ADAM19: variants seen among roughly 807,000 people sequenced by gnomAD.
ADAM19 encodes the protein disintegrin and metalloproteinase domain-containing protein 19.
A neutral mutation model predicts 114.7 loss-of-function variants in ADAM19; 65 were observed. The observed-to-expected ratio is 0.57, with a 90% CI of 0.46 to 0.70. The LOEUF (loss-of-function observed/expected upper bound fraction) is 0.70, where lower values mean the gene tolerates loss of function less well. Among genes scored for constraint, ADAM19 ranks in the 30% least tolerant of loss-of-function variants. The pLI is 0.00. For synonymous variants in ADAM19, 466 were observed against 460.5 expected, an observed-to-expected ratio of 1.01 and a Z score of -0.15; for missense variants, 1,063 against 1,204.7, an observed-to-expected ratio of 0.88 and a Z score of 1.74.
chr5:157,518,425 C>A (rs1756158504), intron 7 of ADAM19, among the ~76,000 whole-genome samples: 2 of 152,170 alleles, frequency 1.3e-5, no homozygotes, highest in African/African-American at 2.4e-5. Context: ...GCTCTTGTTG[C>A]TCAGGCTGGA....
intron 1 of ADAM19, among the ~76,000 whole-genome samples, chr5:157,573,109 A>G (rs1310736299): frequency 6.6e-6 from 1 of 152,178 alleles, no homozygotes; most frequent in African/African-American, 2.4e-5. Context: ...ACAAAAAGGA[A>G]TTCTATAATA....
chr5:157,539,881 T>A (rs2036126389), intron 3 of ADAM19, among the ~76,000 whole-genome samples: 1 of 152,224 alleles, frequency 6.6e-6, no homozygotes, highest in Non-Finnish European at 1.5e-5. Context: ...AGAAAACCAC[T>A]TAACTAGTTA....
intron 2 of ADAM19, among the ~76,000 whole-genome samples, chr5:157,569,998 G>A (rs911774647): frequency 3.9e-5 from 6 of 152,146 alleles, no homozygotes; most frequent in African/African-American, 1.4e-4. Context: ...AGTGGCTGAC[G>A]CCTGTAATCC....
rs80273950 is a variant in ADAM19, at chr5:157,492,472, A to G, written c.1908+501T>C. ...GTTAAAGTATCATATTTAACAATAC[A>G]ATATTATTTATGTGTTATCACATTA... On this transcript the variant is annotated intron_variant, in intron 16 of 22. Transcript: ENST00000257527. Among the ~76,000 whole-genome samples the G allele has an allele frequency of 7.0e-3, 1,068 of 152,348 alleles. 9 individuals carry two copies. Among genetic ancestry groups the G allele is most frequent in the African/African-American group, 0.024 (1,013 of 41,568 alleles).
At chr5:157,498,413 C>T (rs1457884922) in intron 13 of ADAM19, among the ~76,000 whole-genome samples, 2 of 152,244 alleles carry the variant, frequency 1.3e-5, no homozygotes, top group East Asian at 1.9e-4. Context: ...GGGCCTTGGG[C>T]ACCTGCTGTG....
At chr5:157,558,206 A>G (rs949743042) in intron 3 of ADAM19, among the ~76,000 whole-genome samples, 3 of 152,198 alleles carry the variant, frequency 2.0e-5, no homozygotes, top group Non-Finnish European at 4.4e-5. Flanking sequence ...CCAGTTCTTC[A>G]TACTTCCAAA....
At chr5:157,537,762 T>A (rs557305271) in intron 4 of ADAM19, 151 bp downstream of exon 4, 1 of 610,944 alleles carries the variant, frequency 1.6e-6, no homozygotes, top group African/African-American at 1.9e-5. Context: ...ATCAAATACA[T>A]GTTTTGCTTC....
chr5:157,488,649 G>A lies in ADAM19; in HGVS notation c.2326-160C>T, dbSNP rs369280208. 1.4e-4 allele frequency among the ~76,000 whole-genome samples: 22 copies of A among 152,290 alleles called. No individual in the cohort carries two copies. In the South Asian group the frequency reaches 4.1e-3, roughly 29 times the overall value. On this transcript the variant is annotated intron_variant, in intron 20 of 22. Coordinates refer to ENST00000257527, the MANE Select transcript of ADAM19 (RefSeq NM_033274.5). ...TCAGATGCAACCTTTAAAGTCATTA[G>A]GGGATGTCAGAACCAAATAACATGT...
At chr5:157,492,838 G>A (rs1307867707) in intron 16 of ADAM19, 135 bp downstream of exon 16, 5 of 865,870 alleles carry the variant, frequency 5.8e-6, no homozygotes, top group East Asian at 2.5e-5. Flanking sequence ...CACTATACAC[G>A]CTTCATGAAG....
intron 3 of ADAM19, among the ~76,000 whole-genome samples, chr5:157,562,985 G>C (rs1297503113): frequency 6.6e-6 from 1 of 152,058 alleles, no homozygotes; most frequent in Non-Finnish European, 1.5e-5. Context: ...CAACAACAGG[G>C]AACACTTAGA....
intron 5 of ADAM19, among the ~76,000 whole-genome samples, chr5:157,526,623 C>CT (rs1756470013): frequency 7.7e-6 from 1 of 129,576 alleles, no homozygotes; most frequent in African/African-American, 3.0e-5. Context: ...TTATTGGTGT[C>CT]ATTTTTTTTT....
chr5:157,530,723 G>T, intron 5 of ADAM19, 84 bp downstream of exon 5: 1 of 1,212,060 alleles, frequency 8.3e-7, no homozygotes, highest in Non-Finnish European at 1.2e-6. Flanking sequence ...CCTTCCCAAG[G>T]TCCTTGCCTC....
intron 3 of ADAM19, among the ~76,000 whole-genome samples, chr5:157,556,887 T>C (rs1302251816): frequency 1.3e-5 from 2 of 152,196 alleles, no homozygotes; most frequent in Non-Finnish European, 2.9e-5. Flanking sequence ...GTGAGTATTA[T>C]TACTATTATT....
intron 22 of ADAM19, chr5:157,481,457 C>T: frequency 1.3e-6 from 1 of 790,604 alleles, no homozygotes; most frequent in Non-Finnish European, 2.0e-6. Context: ...TCACAACAAC[C>T]TGATGGGGCT....
intron 7 of ADAM19, among the ~76,000 whole-genome samples, chr5:157,518,543 C>A (rs1280076925): frequency 6.6e-6 from 1 of 152,182 alleles, no homozygotes; most frequent in Non-Finnish European, 1.5e-5. Context: ...TGCCACCATG[C>A]CCAGCTAATT....
intron 7 of ADAM19, among the ~76,000 whole-genome samples, chr5:157,518,431 C>A (rs1756158847): frequency 6.6e-6 from 1 of 152,200 alleles, no homozygotes; most frequent in Admixed American, 6.5e-5. Context: ...GTTGCTCAGG[C>A]TGGAGTGCAG....
At position 157,480,888 on chromosome 5, in the gene ADAM19, G is replaced by T. The variant is rs1260454541; in HGVS notation, c.*61C>A. 3.7e-6 allele frequency: 6 copies of T among 1,611,894 alleles called. No individual in the cohort carries two copies. The East Asian group carries it at 1.3e-4, about 36-fold the overall frequency. ...AGACATGCTTCTTCAGGGTTCCATG[G>T]CCATGGGTCCTCTGCAGTGTCCAGA... On this transcript the variant is annotated 3_prime_UTR_variant, in exon 23 of 23. Transcript: ENST00000257527.
chr5:157,488,816 G>A (rs992375784), intron 20 of ADAM19, among the ~76,000 whole-genome samples: 1 of 152,170 alleles, frequency 6.6e-6, no homozygotes, highest in African/African-American at 2.4e-5. Flanking sequence ...TGGATCACGA[G>A]GTCAGGAGAT....
At chr5:157,486,571 G>C (rs1465529699) in intron 21 of ADAM19, among the ~76,000 whole-genome samples, 1 of 152,068 alleles carries the variant, frequency 6.6e-6, no homozygotes, top group Non-Finnish European at 1.5e-5. Context: ...CTGACCTACG[G>C]CTCAGCACCT....
Sources: allele counts gnomAD v4.1 joint callset (sites outside exome capture counted in the v4.1 genomes callset), GRCh38; gene constraint gnomAD v4.1.1; transcripts MANE v1.5; gene names NCBI Gene and HGNC (gene_info 2026-07-23, HGNC 2026-07-21).